EYS: variants seen among roughly 807,000 people sequenced by gnomAD.
The protein encoded by EYS is protein eyes shut homolog.
In EYS, 250 loss-of-function variants were observed where a neutral mutation model predicts 282.1. That is an observed-to-expected ratio of 0.89 (90% confidence interval 0.80 to 0.98). The LOEUF is 0.98. Ranked by LOEUF, EYS falls within the 50% of genes least tolerant of loss-of-function variation. EYS has a pLI of 0.00. For synonymous variants in EYS, 1,355 were observed against 1,282.9 expected, an observed-to-expected ratio of 1.06 and a Z score of -1.20; for missense variants, 4,016 against 3,709.0, an observed-to-expected ratio of 1.08 and a Z score of -2.15.
chr6:64,838,950 G>A (rs900516237), intron 19 of EYS, among the ~76,000 whole-genome samples: 4 of 151,934 alleles, frequency 2.6e-5, no homozygotes. Context: ...TCTGTATTGG[G>A]AGTTCAATAT....
At chr6:63,789,386 T>C (rs1770451721) in intron 37 of EYS, among the ~76,000 whole-genome samples, 162 bp from the exon 38 acceptor site, 1 of 152,224 alleles carries the variant, frequency 6.6e-6, no homozygotes, top group South Asian at 2.1e-4. Flanking sequence ...CTGGCTGTTG[T>C]TATTCCCAGC....
At chr6:63,817,696 GC>G (rs1203027109) in intron 36 of EYS, among the ~76,000 whole-genome samples, 1 of 152,214 alleles carries the variant, frequency 6.6e-6, no homozygotes, top group East Asian at 1.9e-4. Context: ...TGGTCATAAG[GC>G]CACTTCTCAT....
intron 2 of EYS, among the ~76,000 whole-genome samples, chr6:65,565,468 G>T (rs1360418228): frequency 6.6e-6 from 1 of 152,038 alleles, no homozygotes; most frequent in African/African-American, 2.4e-5. Flanking sequence ...GAGAGGATAT[G>T]GAGGAATAGG....
At chr6:64,924,855 C>A (rs1008416221) in intron 15 of EYS, among the ~76,000 whole-genome samples, 1 of 152,152 alleles carries the variant, frequency 6.6e-6, no homozygotes, top group Non-Finnish European at 1.5e-5. Flanking sequence ...GCATTTGGGG[C>A]AAAGCCATTC....
intron 1 of EYS, among the ~76,000 whole-genome samples, chr6:65,648,314 ATGTGTG>A (rs58196369): frequency 0.043 from 6,403 of 147,846 alleles, 329 homozygotes; most frequent in African/African-American, 0.12. Context: ...AAGAAAATAT[ATGTGTG>A]TGTGTGTGTG....
chr6:65,658,810 A>G lies in EYS; in HGVS notation c.-447-18918T>C, dbSNP rs555892134. ...CCAACACTAACCCAACTCTAAGCAC[A>G]CTGGCAAATCATATTGTGTTTACAG... On this transcript the variant is annotated intron_variant, in intron 1 of 42. Transcript: ENST00000503581. 4.6e-5 allele frequency among the ~76,000 whole-genome samples: 7 copies of G among 151,840 alleles called. No individual in the cohort carries two copies. The South Asian group carries it at 6.2e-4, about 13-fold the overall frequency.
intron 26 of EYS, among the ~76,000 whole-genome samples, chr6:64,586,861 G>T (rs1415310150): frequency 1.3e-5 from 2 of 152,020 alleles, no homozygotes; most frequent in Non-Finnish European, 1.5e-5. Context: ...ATGAAGCTCT[G>T]ATTGCTCTTT....
At chr6:64,187,548 C>T (rs1161334690) in intron 31 of EYS, among the ~76,000 whole-genome samples, 2 of 151,866 alleles carry the variant, frequency 1.3e-5, no homozygotes, top group Non-Finnish European at 2.9e-5. Context: ...AAATTTATAA[C>T]AGTTTTAGCA....
At chr6:64,560,236 A>G (rs555249724) in intron 26 of EYS, among the ~76,000 whole-genome samples, 1 of 151,824 alleles carries the variant, frequency 6.6e-6, no homozygotes, top group Non-Finnish European at 1.5e-5. Flanking sequence ...CTTTATGACT[A>G]ATCCTTATGA....
intron 31 of EYS, among the ~76,000 whole-genome samples, chr6:64,096,842 T>G (rs1162103241): frequency 6.6e-6 from 1 of 152,214 alleles, no homozygotes; most frequent in Non-Finnish European, 1.5e-5. Flanking sequence ...TTTTTAGAGT[T>G]TCCAGTTTTT....
At chr6:64,003,147 G>C (rs1481954145) in intron 33 of EYS, among the ~76,000 whole-genome samples, 1 of 152,154 alleles carries the variant, frequency 6.6e-6, no homozygotes, top group East Asian at 1.9e-4. Flanking sequence ...ATGAGATCCT[G>C]TCATTTGCAA....
At position 64,620,486 on chromosome 6, in the gene EYS, T is replaced by C. The variant is rs537609431; in HGVS notation, c.3569-2953A>G. On this transcript the variant is annotated intron_variant, in intron 23 of 42. Transcript: ENST00000503581. ...GGTGGAACTCAATTATATTTGCAAC[T>C]CCAGTTTTGAAGGATTCTGGAAGTT... Among the ~76,000 whole-genome samples, 4 of 152,250 alleles carry C rather than the reference T, an allele frequency of 2.6e-5. No individual in the cohort carries two copies. The South Asian group carries it at 8.3e-4, about 32-fold the overall frequency.
intron 2 of EYS, among the ~76,000 whole-genome samples, chr6:65,628,297 A>G (rs1180046694): frequency 6.6e-6 from 1 of 151,760 alleles, no homozygotes; most frequent in Non-Finnish European, 1.5e-5. Context: ...TATCTAACTA[A>G]TCTAATGGGG....
intron 30 of EYS, among the ~76,000 whole-genome samples, chr6:64,292,869 T>G (rs1768765894): frequency 6.6e-6 from 1 of 152,132 alleles, no homozygotes; most frequent in Admixed American, 6.5e-5. Flanking sequence ...CAATACTCTG[T>G]GGTCAGTATT....
In EYS at chr6:65,077,234, G is replaced by T. The variant is rs182554115; in HGVS notation, c.2024-19507C>A. On this transcript the variant is annotated intron_variant, in intron 12 of 42. Transcript: ENST00000503581. ...ATAATTATCACAGTCATCTATGTGT[G>T]GTTGTGGCCTCTGCAGAATGTCATT... is the stretch of plus-strand genomic sequence containing the variant. Among the ~76,000 whole-genome samples the T allele has an allele frequency of 4.0e-3, 614 of 152,120 alleles. 7 individuals carry two copies. Among genetic ancestry groups the T allele is most frequent in the South Asian group, 0.031 (149 of 4,820 alleles).
At chr6:64,382,403 T>C (rs1167369256) in intron 29 of EYS, among the ~76,000 whole-genome samples, 1 of 152,170 alleles carries the variant, frequency 6.6e-6, no homozygotes, top group Admixed American at 6.5e-5. Flanking sequence ...AAACTAATTA[T>C]CTTGTTATTC....
chr6:65,124,160 G>T (rs969885912), intron 12 of EYS, among the ~76,000 whole-genome samples: 11 of 151,944 alleles, frequency 7.2e-5, no homozygotes, highest in African/African-American at 2.7e-4. Context: ...GTTACAAAGT[G>T]AGACACTGTC....
In EYS at chr6:65,604,370, C is replaced by A. The variant is rs147894599; in HGVS notation, c.-333+35408G>T. On this transcript the variant is annotated intron_variant, in intron 2 of 42. Transcript: ENST00000503581. ...GATGTGCGGGCAATTCTAGGGAAGA[C>A]TCAAAACCCAGAATACATAAAAGGG... Among the ~76,000 whole-genome samples, 1,427 of 151,934 alleles carry A rather than the reference C, an allele frequency of 9.4e-3. 8 individuals are homozygous for A. Among genetic ancestry groups the A allele is most frequent in the Non-Finnish European group, 0.016 (1,071 of 67,914 alleles).
At chr6:64,492,040 C>T (rs924807677) in intron 26 of EYS, among the ~76,000 whole-genome samples, 2 of 150,758 alleles carry the variant, frequency 1.3e-5, no homozygotes, top group African/African-American at 4.9e-5. Context: ...CAAGCAACAC[C>T]CAGAAAATTG....
Sources: allele counts gnomAD v4.1 joint callset (sites outside exome capture counted in the v4.1 genomes callset), GRCh38; gene constraint gnomAD v4.1.1; transcripts MANE v1.5; gene names NCBI Gene and HGNC (gene_info 2026-07-23, HGNC 2026-07-21).